Variants in CACNA1D observed in about 807,000 individuals in gnomAD.
The protein encoded by CACNA1D is voltage-dependent L-type calcium channel subunit alpha-1D.
A neutral mutation model predicts 257.1 loss-of-function variants in CACNA1D; 55 were observed. The ratio of observed to expected loss-of-function variants is 0.21; its 90% CI spans 0.17 to 0.27. The LOEUF is 0.27. Ranked by LOEUF, CACNA1D falls within the 10% of genes least tolerant of loss-of-function variation. The pLI, the probability that CACNA1D is intolerant of heterozygous loss-of-function variation, is 1.00. For synonymous variants in CACNA1D, 980 were observed against 1,014.9 expected (o/e 0.97, Z 0.65); for missense variants, 1,876 against 2,784.0 (o/e 0.67, Z 7.34).
At chr3:53,710,425 A>C in intron 9 of CACNA1D, 1 of 456,738 alleles carries the variant, frequency 2.2e-6, no homozygotes. Flanking sequence ...CTTAAAGAGG[A>C]TAAGAAGAAA....
chr3:53,700,744 G>T (rs1005471279), intron 8 of CACNA1D, among the ~76,000 whole-genome samples: 1 of 152,164 alleles, frequency 6.6e-6, no homozygotes, highest in Admixed American at 6.5e-5. Context: ...TTCACAGGGG[G>T]TGGAGTGGAG....
intron 20 of CACNA1D, 149 bp from the exon 21 acceptor site, chr3:53,740,131 C>G: frequency 1.4e-6 from 1 of 732,824 alleles, no homozygotes. Context: ...AGTGGGCATT[C>G]ACCCGTGGCT....
chr3:53,631,241 C>A (rs1452496066), intron 3 of CACNA1D, among the ~76,000 whole-genome samples: 1 of 152,252 alleles, frequency 6.6e-6, no homozygotes, highest in Admixed American at 6.5e-5. Context: ...TCCTCTCAAA[C>A]CCTGCCACTG....
At chr3:53,556,736 A>T (rs2092652015) in intron 3 of CACNA1D, among the ~76,000 whole-genome samples, 1 of 145,946 alleles carries the variant, frequency 6.9e-6, no homozygotes, top group African/African-American at 2.5e-5. Flanking sequence ...TTTTTTTTTG[A>T]GACAGAGTCT....
chr3:53,762,012 C>G lies in CACNA1D; in HGVS notation c.3801C>G (p.Asp1267Glu), dbSNP rs143841559. 4 of 1,612,646 alleles carry G rather than the reference C, an allele frequency of 2.5e-6. No individual in the cohort carries two copies. The highest frequency in any genetic ancestry group is 3.4e-6 in the Non-Finnish European group (4 of 1,178,776). Reference sequence around the variant, plus strand: ...GCTCTGTCCAGGGGTATTTTAGTGACGCCTGGAACACGTTTGACTCCCTCA... The same window carrying G: ...GCTCTGTCCAGGGGTATTTTAGTGAGGCCTGGAACACGTTTGACTCCCTCA... ...IAFKPKGYFSDAWNTFDSLIV... is the reference protein window; with the variant it reads ...IAFKPKGYFSEAWNTFDSLIV... The change falls in exon 30 of 48, where the codon GAC becomes GAG. Residue 1267 changes from aspartate (D) to glutamate (E), a missense_variant. This residue lies in a region of CACNA1D where 204 missense variants were observed against 309.4 expected (regional missense o/e 0.66). Coordinates refer to ENST00000350061, the MANE Select transcript of CACNA1D (RefSeq NM_001128840.3).
At chr3:53,526,766 G>A (rs1345705990) in intron 3 of CACNA1D, among the ~76,000 whole-genome samples, 1 of 152,178 alleles carries the variant, frequency 6.6e-6, no homozygotes. Context: ...CTGTAAAATA[G>A]TATCCCCTCA....
intron 7 of CACNA1D, among the ~76,000 whole-genome samples, chr3:53,669,987 G>T (rs894379454): frequency 2.0e-5 from 3 of 152,140 alleles, no homozygotes; most frequent in African/African-American, 4.8e-5. Flanking sequence ...TCAATTCAAA[G>T]AAATTGTTTT....
At chr3:53,615,708 A>T (rs1278734674) in intron 3 of CACNA1D, among the ~76,000 whole-genome samples, 1 of 152,192 alleles carries the variant, frequency 6.6e-6, no homozygotes, top group Non-Finnish European at 1.5e-5. Flanking sequence ...GCTGCACCAT[A>T]TATGGGTTTC....
intron 44 of CACNA1D, among the ~76,000 whole-genome samples, chr3:53,804,124 G>A (rs2095550008): frequency 6.6e-6 from 1 of 152,222 alleles, no homozygotes; most frequent in Non-Finnish European, 1.5e-5. Flanking sequence ...TGCTTTAGGA[G>A]GCGTAGCAGG....
chr3:53,772,281 A>G (rs1159846408), intron 32 of CACNA1D, among the ~76,000 whole-genome samples: 1 of 152,180 alleles, frequency 6.6e-6, no homozygotes, highest in East Asian at 1.9e-4. Flanking sequence ...TTTGCATCCT[A>G]CAGCCACAGC....
At chr3:53,753,491 A>G in intron 28 of CACNA1D, 81 bp from the exon 29 acceptor site, 1 of 957,774 alleles carries the variant, frequency 1.0e-6, no homozygotes, top group South Asian at 1.3e-5. Context: ...ACAGGGGCAC[A>G]GAGGGCTGGG....
At chr3:53,507,527 G>A (rs1444872692) in intron 3 of CACNA1D, among the ~76,000 whole-genome samples, 3 of 152,052 alleles carry the variant, frequency 2.0e-5, no homozygotes, top group African/African-American at 7.2e-5. Flanking sequence ...CTGAGGTGGG[G>A]GGATTGCTTG....
chr3:53,575,460 A>G (rs1340753384), intron 3 of CACNA1D, among the ~76,000 whole-genome samples: 1 of 152,126 alleles, frequency 6.6e-6, no homozygotes, highest in Non-Finnish European at 1.5e-5. Flanking sequence ...AATCGGGATT[A>G]TGCTCACTTC....
At chr3:53,593,471 G>C (rs1055598054) in intron 3 of CACNA1D, among the ~76,000 whole-genome samples, 1 of 152,202 alleles carries the variant, frequency 6.6e-6, no homozygotes, top group African/African-American at 2.4e-5. Context: ...AGATGTGTGA[G>C]TGGTAAATAC....
chr3:53,502,463 T>C (rs2090645643), intron 3 of CACNA1D, among the ~76,000 whole-genome samples: 1 of 151,538 alleles, frequency 6.6e-6, no homozygotes, highest in Non-Finnish European at 1.5e-5. Context: ...ATGAATTCTT[T>C]AAACATTTTT....
rs564201577 is a variant in CACNA1D, at chr3:53,603,028, A to G, written c.484-47751A>G. On this transcript the variant is annotated intron_variant, in intron 3 of 47. Transcript: ENST00000350061. ...CAGTTGCGTCACAGGATGTTGTCAT[A>G]TGCTGGGCATGTGGCACAGGTGAGG... is the stretch of plus-strand genomic sequence containing the variant. Among the ~76,000 whole-genome samples the G allele has an allele frequency of 2.6e-5, 4 of 152,322 alleles. No individual in the cohort carries two copies. In the South Asian group the frequency reaches 8.3e-4, roughly 32 times the overall value.
At chr3:53,731,025 T>C (rs374443064) in intron 16 of CACNA1D, 52 bp from the exon 17 acceptor site, 1 of 1,111,080 alleles carries the variant, frequency 9.0e-7, no homozygotes, top group African/African-American at 1.5e-5. Flanking sequence ...AGCATTTTTA[T>C]ACAGAGTAAC....
At chr3:53,563,921 G>A (rs1405802404) in intron 3 of CACNA1D, among the ~76,000 whole-genome samples, 1 of 152,100 alleles carries the variant, frequency 6.6e-6, no homozygotes, top group Non-Finnish European at 1.5e-5. Flanking sequence ...CCTATTGTGG[G>A]TACATCTTCA....
At position 53,790,178 on chromosome 3, in the gene CACNA1D, C is replaced by G. The variant is rs143957915; in HGVS notation, c.4923+3226C>G. Among the ~76,000 whole-genome samples, 239 of 152,294 alleles carry G rather than the reference C, an allele frequency of 1.6e-3. 1 individual carries two copies. The highest frequency in any genetic ancestry group is 5.6e-3 in the African/African-American group (231 of 41,548). On this transcript the variant is annotated intron_variant, in intron 40 of 47. Coordinates refer to ENST00000350061, the MANE Select transcript of CACNA1D (RefSeq NM_001128840.3). ...TGCTCGTCATCCATTGTTGCTACATCCGAGTGACCCACGAGTTTCCACGAG... is the reference window on the plus strand; with the variant it reads ...TGCTCGTCATCCATTGTTGCTACATGCGAGTGACCCACGAGTTTCCACGAG...
Sources: allele counts gnomAD v4.1 joint callset (sites outside exome capture counted in the v4.1 genomes callset), GRCh38; gene constraint gnomAD v4.1.1; regional missense constraint gnomAD v4.1.1; transcripts MANE v1.5; gene names NCBI Gene and HGNC (gene_info 2026-07-23, HGNC 2026-07-21).